The following FBXO10 variants were observed in gnomAD, a reference collection of about 807,000 sequenced individuals.
FBXO10 encodes the protein F-box only protein 10.
Under a neutral mutation model 80.7 loss-of-function variants are expected in FBXO10, and 39 were observed. The observed-to-expected ratio is 0.48, with a 90% CI of 0.37 to 0.63. The LOEUF (loss-of-function observed/expected upper bound fraction) is 0.63. Among genes scored for constraint, FBXO10 ranks in the 30% least tolerant of loss-of-function variants. The probability of loss-of-function intolerance (pLI) is 0.00; values close to 1 mark genes in which losing one functional copy is unlikely to be tolerated. For synonymous variants in FBXO10, 449 were observed against 489.6 expected, an observed-to-expected ratio of 0.92 and a Z score of 1.09; for missense variants, 1,025 against 1,269.0, an observed-to-expected ratio of 0.81 and a Z score of 2.92.
At chr9:37,565,547 G>A (rs949718987) in intron 1 of FBXO10, among the ~76,000 whole-genome samples, 16 of 152,188 alleles carry the variant, frequency 1.1e-4, no homozygotes, top group African/African-American at 3.6e-4. Flanking sequence ...AGAAGTGGCA[G>A]ACATTGGGCA....
chr9:37,543,146 C>T (rs1821968793), intron 1 of FBXO10, among the ~76,000 whole-genome samples: 1 of 152,220 alleles, frequency 6.6e-6, no homozygotes, highest in African/African-American at 2.4e-5. Context: ...TTATCCTGAG[C>T]AGTTAATTGG....
chr9:37,575,356 T>C (rs575677664), intron 1 of FBXO10, among the ~76,000 whole-genome samples: 1 of 152,320 alleles, frequency 6.6e-6, no homozygotes, highest in East Asian at 1.9e-4. Context: ...ACTAAAAATA[T>C]AGAAACAAAT....
chr9:37,568,421 C>T (rs1822664634), intron 1 of FBXO10, among the ~76,000 whole-genome samples: 1 of 152,264 alleles, frequency 6.6e-6, no homozygotes, highest in East Asian at 1.9e-4. Flanking sequence ...TGGTCTCGAA[C>T]TCCTGACCTC....
intron 5 of FBXO10, among the ~76,000 whole-genome samples, chr9:37,526,237 G>C (rs1388199849): frequency 6.6e-6 from 1 of 152,146 alleles, no homozygotes. Context: ...AAGGAAAAAA[G>C]AGAAACATAT....
At chr9:37,550,892 T>A (rs1281888413) in intron 1 of FBXO10, among the ~76,000 whole-genome samples, 2 of 152,216 alleles carry the variant, frequency 1.3e-5, no homozygotes, top group African/African-American at 4.8e-5. Flanking sequence ...CCAAAAAGTC[T>A]TAACTTGTTC....
chr9:37,515,630 G>A (rs865830599), intron 10 of FBXO10: 22 of 335,714 alleles, frequency 6.6e-5, no homozygotes, highest in Middle Eastern at 1.6e-3. Context: ...GCTCGAAGAT[G>A]TGAAGTAAGT....
At position 37,515,971 on chromosome 9, in the gene FBXO10, A is replaced by C. The variant is rs1156670656; in HGVS notation, c.2629T>G (p.Phe877Val). The C allele has an allele frequency of 1.2e-6, 2 of 1,614,066 alleles. No individual in the cohort carries two copies. The highest frequency in any genetic ancestry group is 1.7e-6 in the Non-Finnish European group (2 of 1,179,898). Residue 877 changes from phenylalanine to valine, a missense_variant, in exon 10 of 11, where the codon TTT becomes GTT. Phe to Val is a conservative substitution (Grantham distance 50). This residue lies in a region of FBXO10 where 478 missense variants were observed against 667.8 expected (regional missense o/e 0.72). Coordinates refer to ENST00000432825, the MANE Select transcript of FBXO10 (RefSeq NM_012166.3). ...TCTCGGTTGTTTGAGATCTGCTGAA[A>C]GATGGTCTTACTGGTTTTGCCCTGG... ...IFQGKTSKTIFQQISNNRECI... is the reference protein window; with the variant it reads ...IFQGKTSKTIVQQISNNRECI...
Position 37,541,338 on chromosome 9 carries a change from T to C in FBXO10, c.431A>G (p.Gln144Arg). 6.2e-7 allele frequency: 1 copy of C among 1,614,016 alleles called. No individual in the cohort carries two copies. Among genetic ancestry groups the C allele is most frequent in the Non-Finnish European group, 8.5e-7 (1 of 1,179,892 alleles). ...IVLFPGVYEE[Q>R]GEIILKVPVE... ...AGGCACCTTCAAGATGATTTCACCT[T>C]GCTCTTCGTACACACCTGGGAAGAG... The change falls in exon 2 of 11, where the codon CAA becomes CGA. Residue 144 changes from glutamine (Q) to arginine (R), a missense_variant. Transcript: ENST00000432825.
intron 1 of FBXO10, among the ~76,000 whole-genome samples, chr9:37,566,553 T>C (rs1822612671): frequency 6.6e-6 from 1 of 152,002 alleles, no homozygotes; most frequent in Admixed American, 6.5e-5. Flanking sequence ...CTTCCAACAT[T>C]ATGAGGCACA....
At chr9:37,552,410 G>A (rs529568398) in intron 1 of FBXO10, among the ~76,000 whole-genome samples, 17 of 152,306 alleles carry the variant, frequency 1.1e-4, no homozygotes, top group Admixed American at 3.9e-4. Context: ...ATGGCTGGGC[G>A]AGGTGGCTCA....
intron 3 of FBXO10, 149 bp from the exon 4 acceptor site, chr9:37,532,207 G>A (rs1247446813): frequency 8.4e-6 from 7 of 837,990 alleles, no homozygotes; most frequent in African/African-American, 3.5e-5. Flanking sequence ...GCACAGCCAC[G>A]CTCCCACTGT....
intron 2 of FBXO10, among the ~76,000 whole-genome samples, chr9:37,539,800 C>T (rs1821867514): frequency 1.3e-5 from 2 of 152,182 alleles, no homozygotes; most frequent in South Asian, 4.1e-4. Context: ...TAATTACCCA[C>T]TTGAGAAAGT....
intron 1 of FBXO10, among the ~76,000 whole-genome samples, chr9:37,558,190 G>C (rs1178744609): frequency 6.6e-6 from 1 of 152,196 alleles, no homozygotes; most frequent in East Asian, 1.9e-4. Flanking sequence ...GTTCAAGAGT[G>C]AATCAGCTAA....
In FBXO10 at chr9:37,512,464, G is replaced by A. The variant is rs1821080019; in HGVS notation, c.*83C>T. On this transcript the variant is annotated 3_prime_UTR_variant, in exon 11 of 11. Coordinates refer to ENST00000432825, the MANE Select transcript of FBXO10 (RefSeq NM_012166.3). ...CCATTTGTTCGAGGGGGAGGGGGAG[G>A]GGCGGAGTCTTTTCAGGCAGTATTT... The A allele has an allele frequency of 3.4e-6, 5 of 1,473,798 alleles. No individual in the cohort carries two copies. The East Asian group carries it at 1.1e-4, about 34-fold the overall frequency. 91.3% of individuals were successfully genotyped at this position (1,473,798 alleles called of 1,614,324 possible). A position where few individuals can be genotyped will look rare whatever the true frequency, so the allele number is the denominator to read the frequency against.
chr9:37,518,257 G>C lies in FBXO10; in HGVS notation c.2382C>G (p.Leu794=), dbSNP rs76495281. The C allele has an allele frequency of 1.1e-3, 1,782 of 1,614,072 alleles. 17 individuals are homozygous for C. In the African/African-American group the frequency reaches 0.021, roughly 19 times the overall value. ...TGTTGTCATAGATACCATTGCCCCG[G>C]AGCTCCACTTTGCACTGGGCCTCAA... ...VKVEAQCKVE[L]RGNGIYDNRG... The change falls in exon 9 of 11, where the codon CTC becomes CTG. Residue 794 remains leucine (L), a synonymous_variant. Transcript: ENST00000432825.
intron 10 of FBXO10, 102 bp downstream of exon 10, chr9:37,515,802 G>T: frequency 8.0e-7 from 1 of 1,254,734 alleles, no homozygotes; most frequent in Non-Finnish European, 1.1e-6. Context: ...TGGCAGGGTT[G>T]CAGGGAGCCC....
At chr9:37,522,778 A>C (rs1313647677) in intron 7 of FBXO10, 47 bp downstream of exon 7, 2 of 1,547,156 alleles carry the variant, frequency 1.3e-6, no homozygotes, top group Non-Finnish European at 1.7e-6. Context: ...TGGAGATGGA[A>C]CCTGGGCTTC....
chr9:37,532,917 A>C (rs1056858871), intron 3 of FBXO10, among the ~76,000 whole-genome samples: 9 of 152,194 alleles, frequency 5.9e-5, no homozygotes, highest in Non-Finnish European at 1.3e-4. Context: ...ACGGACAGTA[A>C]GGTACCACAC....
Position 37,521,721 on chromosome 9 carries a change from C to A in FBXO10, c.2048G>T (p.Ser683Ile). Residue 683 changes from serine to isoleucine, a missense_variant, in exon 8 of 11, where the codon AGC becomes ATC. Transcript: ENST00000432825. ...AGCCCTGTGGCCTCGAGGTAACTCG[C>A]TGGAGCCATCCTTCTGGCTAAATAC... ...VAVFSQKDGSSELPRGHRAQE... is the reference protein window; with the variant it reads ...VAVFSQKDGSIELPRGHRAQE... The A allele has an allele frequency of 6.2e-7, 1 of 1,613,974 alleles. No homozygotes were observed. The highest frequency in any genetic ancestry group is 8.5e-7 in the Non-Finnish European group (1 of 1,179,886).
Sources: gnomAD v4.1 joint callset for allele counts (sites outside exome capture counted in the v4.1 genomes callset) on GRCh38, gnomAD v4.1.1 for gene constraint, gnomAD v4.1.1 regional missense constraint, MANE v1.5 for transcripts, NCBI Gene and HGNC (gene_info 2026-07-23, HGNC 2026-07-21) for gene names.